Variants in NAALADL1 observed in about 807,000 individuals in gnomAD.
The protein encoded by NAALADL1 is aminopeptidase NAALADL1.
A neutral mutation model predicts 82.8 loss-of-function variants in NAALADL1; 77 were observed. That is an observed-to-expected ratio of 0.93 (90% CI 0.77 to 1.12). The LOEUF is 1.12. NAALADL1 is among the 50% of genes most tolerant of loss of function. NAALADL1 has a pLI of 0.00. For synonymous variants in NAALADL1, 358 were observed against 399.2 expected (o/e 0.90, Z 1.23); for missense variants, 956 against 964.0 (o/e 0.99, Z 0.11).
chr11:65,045,570 C>CG (rs1397623779), intron 17 of NAALADL1, 113 bp from the exon 18 acceptor site: 39 of 1,176,878 alleles, frequency 3.3e-5, no homozygotes, highest in Middle Eastern at 2.9e-4. Flanking sequence ...AAAGCACCCC[C>CG]GTCCACTTGT....
At chr11:65,050,798 A>G (rs1170092215) in intron 8 of NAALADL1, among the ~76,000 whole-genome samples, 1 of 152,120 alleles carries the variant, frequency 6.6e-6, no homozygotes, top group East Asian at 1.9e-4. Context: ...CAAAATAATA[A>G]TAATAATAAT....
At position 65,044,898 on chromosome 11, in the gene NAALADL1, G is replaced by C; in HGVS notation, c.*373C>G. The C allele has an allele frequency of 1.3e-6, 1 of 783,422 alleles. No individual in the cohort carries two copies. 48.5% of individuals were successfully genotyped at this position (783,422 alleles called of 1,614,324 possible). The stretch of plus-strand genomic sequence containing the variant: ...TAGGATACACAGCATGCAGGGAGAG[G>C]AACGCAGACTAGCCAAGGCCTAAGG... On this transcript the variant is annotated 3_prime_UTR_variant, in exon 18 of 18. Transcript: ENST00000358658. This position sits in a 1 kb window ranked among gnomAD's most constrained non-coding sequence, Gnocchi z 4.0.
At chr11:65,046,424 G>GCC in intron 14 of NAALADL1, 21 bp downstream of exon 14, 1 of 1,614,152 alleles carries the variant, frequency 6.2e-7, no homozygotes, top group South Asian at 1.1e-5. Flanking sequence ...GTCTCAGGAT[G>GCC]CCCCTTGTCT....
chr11:65,047,910 C>CCGG, intron 11 of NAALADL1, 71 bp downstream of exon 11: 3 of 1,358,314 alleles, frequency 2.2e-6, no homozygotes, highest in Non-Finnish European at 3.0e-6. Flanking sequence ...CCCGCCCACC[C>CCGG]GTAGCGGCCC....
chr11:65,055,027 G>C (rs1362289332), intron 4 of NAALADL1, among the ~76,000 whole-genome samples: 1 of 152,216 alleles, frequency 6.6e-6, no homozygotes, highest in East Asian at 1.9e-4. Flanking sequence ...GTCCACAGCA[G>C]CATTATCCTC....
chr11:65,049,669 C>T (rs1463210597), intron 8 of NAALADL1, among the ~76,000 whole-genome samples: 2 of 152,078 alleles, frequency 1.3e-5, no homozygotes, highest in South Asian at 4.2e-4. Flanking sequence ...CCCAAGAGTT[C>T]GAGACCAGCC....
At chr11:65,047,607 G>A (rs1364348290) in intron 12 of NAALADL1, 40 bp downstream of exon 12, 1 of 1,581,060 alleles carries the variant, frequency 6.3e-7, no homozygotes. Context: ...CGCTGGGCCG[G>A]ACCGCCTCGC....
In NAALADL1 at chr11:65,057,353, TG is replaced by T; in HGVS notation, c.603+17del. 6.3e-7 allele frequency: 1 copy of T among 1,597,312 alleles called. No homozygotes were observed. Among genetic ancestry groups the T allele is most frequent in the Non-Finnish European group, 8.5e-7 (1 of 1,172,066 alleles). On this transcript the variant is annotated intron_variant, in intron 4 of 17. Coordinates refer to ENST00000358658, the MANE Select transcript of NAALADL1 (RefSeq NM_005468.3). Reference sequence around the variant, plus strand: ...CCTTCCTCACCGAGGCCTCCTGCACTGGGGGACTGCCACTCACCTTGGCCCC... The same window carrying T: ...CCTTCCTCACCGAGGCCTCCTGCACTGGGGACTGCCACTCACCTTGGCCCC...
rs1426893640 is a variant in NAALADL1 at position 65,058,553 on chromosome 11, T to C, written c.-32A>G. The C allele has an allele frequency of 1.3e-6, 2 of 1,544,596 alleles. No individual in the cohort carries two copies. Among genetic ancestry groups the C allele is most frequent in the Non-Finnish European group, 1.7e-6 (2 of 1,146,152 alleles). ...GACTCTTGGCCAGCTGGGGTAGGAC[T>C]GGTCTATAGGTTATTCCCTATAGAG... On this transcript the variant is annotated 5_prime_UTR_variant, in exon 1 of 18. Transcript: ENST00000358658.
intron 8 of NAALADL1, among the ~76,000 whole-genome samples, chr11:65,048,912 T>C (rs777562111): frequency 2.6e-5 from 4 of 152,020 alleles, no homozygotes; most frequent in Non-Finnish European, 4.4e-5. Context: ...ACACTGTGGG[T>C]ATAGGGACTG....
At chr11:65,048,078 G>T (rs777869129) in intron 10 of NAALADL1, 30 bp from the exon 11 acceptor site, 13 of 1,613,258 alleles carry the variant, frequency 8.1e-6, no homozygotes, top group South Asian at 2.2e-5. Context: ...AGACTATTTG[G>T]GCCCCAGCCC....
Position 65,058,508 on chromosome 11 carries a change from T to A in NAALADL1, c.14A>T (p.Lys5Met), listed in dbSNP as rs765160386. Reference protein sequence around the residue: MQWTKVLGLGLGAAA... With the variant: MQWTMVLGLGLGAAA... ...AGCCCCCAGCCCCAGCCCCAACACC[T>A]TCGTCCACTGCATCCTGCGGACTCT... Residue 5 changes from lysine (K) to methionine (M), a missense_variant, in exon 1 of 18, where the codon AAG becomes ATG. By Grantham distance (95) the Lys-to-Met change is moderately conservative (BLOSUM62 -1). Coordinates refer to ENST00000358658, the MANE Select transcript of NAALADL1 (RefSeq NM_005468.3). 6.2e-7 allele frequency: 1 copy of A among 1,600,876 alleles called. No homozygotes were observed. The highest frequency in any genetic ancestry group is 8.5e-7 in the Non-Finnish European group (1 of 1,173,828).
Position 65,047,555 on chromosome 11 carries a change from G to C in NAALADL1, c.1519C>G (p.Leu507Val). ...VYGLVPSLGS[L>V]GAGSDYAPFV... Reference sequence around the variant, plus strand: ...GGTGCATAGTCGCTGCCAGCACCCAGAGAACCCAAGCTGCGGGAAGGAAGG... The same window carrying C: ...GGTGCATAGTCGCTGCCAGCACCCACAGAACCCAAGCTGCGGGAAGGAAGG... Residue 507 changes from leucine to valine, a missense_variant, in exon 13 of 18, where the codon CTG (leucine) becomes GTG (valine). Physicochemically the swap from Leu to Val is conservative, Grantham distance 32. Transcript: ENST00000358658. 1.9e-6 allele frequency: 3 copies of C among 1,572,270 alleles called. No individual in the cohort carries two copies. The highest frequency in any genetic ancestry group is 2.6e-6 in the Non-Finnish European group (3 of 1,158,964).
rs60069296 is a variant in NAALADL1, at chr11:65,056,712, CTT to C, written c.603+657_603+658del. Among the ~76,000 whole-genome samples, 232 of 133,234 alleles carry C rather than the reference CTT, an allele frequency of 1.7e-3. 2 individuals are homozygous for C. The highest frequency in any genetic ancestry group is 5.5e-3 in the African/African-American group (195 of 35,336). 87.4% of individuals were successfully genotyped at this position (133,234 alleles called of 152,430 possible). ...GTGAGCCACCACGCCCATGCCCAGC[CTT>C]TTTTTTTTTTTTTTTTTTTTTAAAT... is the stretch of plus-strand genomic sequence containing the variant. On this transcript the variant is annotated intron_variant, in intron 4 of 17. Coordinates refer to ENST00000358658, the MANE Select transcript of NAALADL1 (RefSeq NM_005468.3).
chr11:65,058,477 G>A lies in NAALADL1; in HGVS notation c.45C>T (p.Ala15=), dbSNP rs1279122234. The A allele has an allele frequency of 5.6e-6, 9 of 1,612,320 alleles. No individual in the cohort carries two copies. The highest frequency in any genetic ancestry group is 2.7e-5 in the African/African-American group (2 of 74,634). Residue 15 remains alanine, a synonymous_variant, in exon 1 of 18, where the codon GCC becomes GCT. Coordinates refer to ENST00000358658, the MANE Select transcript of NAALADL1 (RefSeq NM_005468.3). ...CGAGGATGATCCCCAGCCCCAAGAGGGCAGCAGCCCCCAGCCCCAGCCCCA... is the reference window on the plus strand; with the variant it reads ...CGAGGATGATCCCCAGCCCCAAGAGAGCAGCAGCCCCCAGCCCCAGCCCCA... ...KVLGLGLGAA[A]LLGLGIILGH...
Position 65,048,559 on chromosome 11 carries a change from A to AC in NAALADL1, c.1199-175dup, listed in dbSNP as rs1946804841. 4.1e-5 allele frequency: 27 copies of AC among 656,780 alleles called. No homozygotes were observed. The South Asian group carries it at 4.8e-4, about 12-fold the overall frequency. 40.7% of individuals were successfully genotyped at this position (656,780 alleles called of 1,614,324 possible). On this transcript the variant is annotated intron_variant, in intron 8 of 17. Transcript: ENST00000358658. ...CAGGAGGCTCCCGCACCAAACACTG[A>AC]CCCCAACTCCAAGCCCCCTGAAGGG...
rs477539 is a variant in NAALADL1, at chr11:65,053,182, C to T, written c.1198+36G>A. ...GGAACAGGAAGGGGACCTCCGGGGGCGAAGGTCCCTGGTCCAGGGGAGGGG... is the reference window on the plus strand; with the variant it reads ...GGAACAGGAAGGGGACCTCCGGGGGTGAAGGTCCCTGGTCCAGGGGAGGGG... On this transcript the variant is annotated intron_variant, in intron 8 of 17. Transcript: ENST00000358658. The surrounding 1 kb of genome is among the most constrained non-coding windows in gnomAD (Gnocchi z 4.3). The T allele has an allele frequency of 0.58, 873,965 of 1,499,486 alleles. 269,231 individuals carry two copies. The highest frequency in any genetic ancestry group is 0.66 in the Middle Eastern group (2,674 of 4,056). 92.9% of individuals were successfully genotyped at this position (1,499,486 alleles called of 1,614,324 possible). A position where few individuals can be genotyped will look rare whatever the true frequency, so the allele number is the denominator to read the frequency against.
chr11:65,049,513 G>A (rs1946829776), intron 8 of NAALADL1, among the ~76,000 whole-genome samples: 1 of 152,132 alleles, frequency 6.6e-6, no homozygotes, highest in Non-Finnish European at 1.5e-5. Context: ...TAGACTAAAG[G>A]AAACTAGTAA....
chr11:65,052,001 G>A (rs1946902186), intron 8 of NAALADL1, among the ~76,000 whole-genome samples: 1 of 152,064 alleles, frequency 6.6e-6, no homozygotes, highest in Non-Finnish European at 1.5e-5. Context: ...GCAACACAGC[G>A]AGACCCCATC....
Sources: allele counts gnomAD v4.1 joint callset (sites outside exome capture counted in the v4.1 genomes callset), GRCh38; gene constraint gnomAD v4.1.1; non-coding constraint Gnocchi (gnomAD v3.1); transcripts MANE v1.5; gene names NCBI Gene and HGNC (gene_info 2026-07-23, HGNC 2026-07-21).